The following KIF20B variants were observed in gnomAD, a reference collection of about 807,000 sequenced individuals.
KIF20B encodes the protein kinesin-like protein KIF20B.
KIF20B carries 188 observed loss-of-function variants against 232.5 expected under a neutral mutation model. That is an observed-to-expected ratio of 0.81 (90% CI 0.72 to 0.91). The LOEUF (loss-of-function observed/expected upper bound fraction) is 0.91. KIF20B is among the 40% of genes least tolerant of loss of function. KIF20B has a pLI of 0.00. For synonymous variants in KIF20B, 712 were observed against 683.0 expected, an observed-to-expected ratio of 1.04 and a Z score of -0.66; for missense variants, 2,154 against 2,055.9, an observed-to-expected ratio of 1.05 and a Z score of -0.92.
At position 89,774,868 on chromosome 10, in the gene KIF20B, C is replaced by A. The variant is rs1336699449; in HGVS notation, c.*820C>A. On this transcript the variant is annotated 3_prime_UTR_variant, in exon 33 of 33. Transcript: ENST00000371728. ...TTACCAGCCACTGGTAACCATTCTTCTACTCTGTATGCCCATGAGGTCAAT... is the reference window on the plus strand; with the variant it reads ...TTACCAGCCACTGGTAACCATTCTTATACTCTGTATGCCCATGAGGTCAAT... The A allele has an allele frequency of 1.3e-5, 2 of 152,032 alleles. No homozygotes were observed. The highest frequency in any genetic ancestry group is 3.8e-4 in the East Asian group (2 of 5,196). The allele number at this position is 152,032 out of a possible 1,614,324, so 9.4% of individuals were successfully genotyped here. A position where few individuals can be genotyped will look rare whatever the true frequency, so the allele number is the denominator to read the frequency against.
In KIF20B at chr10:89,718,873, G is replaced by A. The variant is rs1190606831; in HGVS notation, c.1434+1G>A. On this transcript the variant is annotated splice_donor_variant, in intron 12 of 32. Transcript: ENST00000371728. LOFTEE classifies it high-confidence loss of function. The stretch of plus-strand genomic sequence containing the variant: ...GAAGTTCTCCGCCATTGCACAAAAA[G>A]TAAATATTTATTTTATTAAGCCTCT... 6.6e-7 allele frequency: 1 copy of A among 1,511,122 alleles called. No homozygotes were observed. Among genetic ancestry groups the A allele is most frequent in the Admixed American group, 2.3e-5 (1 of 43,554 alleles). 93.6% of individuals were successfully genotyped at this position (1,511,122 alleles called of 1,614,324 possible).
At chr10:89,725,703 G>A (rs549356795) in intron 15 of KIF20B, among the ~76,000 whole-genome samples, 1 of 152,266 alleles carries the variant, frequency 6.6e-6, no homozygotes, top group East Asian at 1.9e-4. Context: ...CCTCCCAGGT[G>A]GCTGAGATTA....
intron 26 of KIF20B, 88 bp downstream of exon 26, chr10:89,754,761 T>A (rs1346461645): frequency 8.9e-7 from 1 of 1,124,300 alleles, no homozygotes; most frequent in Non-Finnish European, 1.2e-6. Flanking sequence ...TCTACATGGT[T>A]TTCTGTTTTT....
Position 89,760,509 on chromosome 10 carries a change from A to C in KIF20B, c.4681-17A>C, listed in dbSNP as rs769131156. On this transcript the variant is annotated splice_polypyrimidine_tract_variant and intron_variant, in intron 27 of 32. Transcript: ENST00000371728. ...CAGGTTACAATGCCCTGTTGCTTTA[A>C]TATTTCCTTACTTTAGGAAACACAA... 4 of 1,505,786 alleles carry C rather than the reference A, an allele frequency of 2.7e-6. No homozygotes were observed. The South Asian group carries it at 4.5e-5, about 17-fold the overall frequency. The allele number at this position is 1,505,786 out of a possible 1,614,324, so 93.3% of individuals were successfully genotyped here.
At chr10:89,717,886 A>G (rs1842967031) in intron 11 of KIF20B, among the ~76,000 whole-genome samples, 164 bp downstream of exon 11, 1 of 152,230 alleles carries the variant, frequency 6.6e-6, no homozygotes, top group African/African-American at 2.4e-5. Context: ...GATTAAAGAC[A>G]ATGATAGAAA....
chr10:89,737,459 A>C lies in KIF20B; in HGVS notation c.2618A>C (p.Glu873Ala), dbSNP rs1248691006. Residue 873 changes from glutamate (E) to alanine (A), a missense_variant, in exon 20 of 33, where the codon GAA (glutamate) becomes GCA (alanine). By Grantham distance (107) the Glu-to-Ala change is moderately radical. Transcript: ENST00000371728. ...GAAGAAGTGCGACCGAACATTGCAG[A>C]AATTGAAGACATCAGAGTTTTACAA... is the stretch of plus-strand genomic sequence containing the variant. ...KSEEVRPNIAEIEDIRVLQEN... is the reference protein window; with the variant it reads ...KSEEVRPNIAAIEDIRVLQEN... 1 of 1,608,654 alleles carries C rather than the reference A, an allele frequency of 6.2e-7. No individual in the cohort carries two copies. Among genetic ancestry groups the C allele is most frequent in the South Asian group, 1.1e-5 (1 of 89,172 alleles).
chr10:89,768,484 C>T (rs1353686195), intron 30 of KIF20B, 93 bp downstream of exon 30: 3 of 828,396 alleles, frequency 3.6e-6, no homozygotes, highest in Non-Finnish European at 5.8e-6. Flanking sequence ...TCCTATACAT[C>T]TGATTCAGTT....
chr10:89,724,948 T>G, intron 14 of KIF20B, 72 bp from the exon 15 acceptor site: 1 of 1,429,726 alleles, frequency 7.0e-7, no homozygotes, highest in Non-Finnish European at 9.7e-7. Flanking sequence ...ATACTTAAAC[T>G]TAGATGTTTA....
intron 19 of KIF20B, 53 bp downstream of exon 19, chr10:89,733,109 A>C: frequency 6.3e-7 from 1 of 1,587,978 alleles, no homozygotes; most frequent in Non-Finnish European, 8.6e-7. Flanking sequence ...TTTCTAAACC[A>C]GTAAATAGAA....
chr10:89,763,681 A>T (rs1589883572), intron 29 of KIF20B, among the ~76,000 whole-genome samples: 1 of 152,072 alleles, frequency 6.6e-6, no homozygotes, highest in Admixed American at 6.6e-5. Flanking sequence ...GGGTTGCCAA[A>T]CCTACCATGT....
At chr10:89,718,689 T>G in intron 11 of KIF20B, 21 bp from the exon 12 acceptor site, 1 of 1,591,136 alleles carries the variant, frequency 6.3e-7, no homozygotes, top group Non-Finnish European at 8.6e-7. Flanking sequence ...TTACAATGTT[T>G]TCTGAAAATT....
chr10:89,772,886 T>G (rs1842493744), intron 32 of KIF20B, 55 bp downstream of exon 32: 1 of 1,456,792 alleles, frequency 6.9e-7, no homozygotes, highest in South Asian at 1.5e-5. Context: ...TCTTTTTAAT[T>G]TTTTACAGTG....
Position 89,747,743 on chromosome 10 carries a change from G to A in KIF20B, c.4096+1784G>A, listed in dbSNP as rs551407168. Among the ~76,000 whole-genome samples, 441 of 152,016 alleles carry A rather than the reference G, an allele frequency of 2.9e-3. 3 individuals carry two copies. Among genetic ancestry groups the A allele is most frequent in the Non-Finnish European group, 4.3e-3 (293 of 67,996 alleles). On this transcript the variant is annotated intron_variant, in intron 23 of 32. Transcript: ENST00000371728. ...ACACTGTGGGGACTGTTATGGGGTG[G>A]GGGGAGTGGGGAGGGATAGCATTGG...
At chr10:89,738,807 A>C in intron 20 of KIF20B, 151 bp from the exon 21 acceptor site, 1 of 1,138,414 alleles carries the variant, frequency 8.8e-7, no homozygotes, top group Non-Finnish European at 1.2e-6. Context: ...TATAAAAATC[A>C]TATGAAATAT....
At position 89,704,182 on chromosome 10, in the gene KIF20B, TATATA is replaced by T. The variant is rs1447891914; in HGVS notation, c.-1-1108_-1-1104del. 3.3e-5 allele frequency among the ~76,000 whole-genome samples: 5 copies of T among 152,204 alleles called. No individual in the cohort carries two copies. In the South Asian group the frequency reaches 6.2e-4, roughly 19 times the overall value. On this transcript the variant is annotated intron_variant, in intron 1 of 32. Coordinates refer to ENST00000371728, the MANE Select transcript of KIF20B (RefSeq NM_001284259.2). ...TGCAAGGGCCATCTTTGGTTCATTT[TATATA>T]ATACCTGTGGGTGATGGTCGTTACT...
chr10:89,709,780 C>CCA (rs1288895236), intron 4 of KIF20B, 147 bp from the exon 5 acceptor site: 1 of 523,942 alleles, frequency 1.9e-6, no homozygotes, highest in Non-Finnish European at 3.0e-6. Flanking sequence ...GGTAGTAAAA[C>CCA]TATCAAATGT....
In KIF20B at chr10:89,762,813, G is replaced by A. The variant is rs1842273931; in HGVS notation, c.4967G>A (p.Arg1656Lys). The A allele has an allele frequency of 1.2e-6, 2 of 1,611,652 alleles. No homozygotes were observed. Among genetic ancestry groups the A allele is most frequent in the Admixed American group, 1.7e-5 (1 of 59,894 alleles). The change falls in exon 29 of 33, where the codon AGG becomes AAG. Residue 1656 changes from arginine to lysine, a missense_variant. By Grantham distance (26) the Arg-to-Lys change is conservative. Transcript: ENST00000371728. ...VTVKIPKARK[R>K]KSNEMEEDLV... ...GTTAAGATTCCCAAGGCTCGGAAGA[G>A]GAAGAGTAATGAAATGGAGGAGGTA...
chr10:89,713,989 G>T, intron 6 of KIF20B, 58 bp from the exon 7 acceptor site: 2 of 804,404 alleles, frequency 2.5e-6, no homozygotes, highest in South Asian at 4.2e-5. Flanking sequence ...TTAATATCTT[G>T]ATTATTTAAC....
chr10:89,730,083 C>G (rs190547733), intron 18 of KIF20B, among the ~76,000 whole-genome samples: 3 of 152,200 alleles, frequency 2.0e-5, no homozygotes, highest in African/African-American at 7.2e-5. Context: ...TTCCCTGATT[C>G]ATCTGAACTT....
Sources: gnomAD v4.1 joint callset for allele counts (sites outside exome capture counted in the v4.1 genomes callset) on GRCh38, gnomAD v4.1.1 for gene constraint, MANE v1.5 for transcripts, NCBI Gene and HGNC (gene_info 2026-07-23, HGNC 2026-07-21) for gene names.